Variants in CNIH1 observed in about 807,000 individuals in gnomAD.
The protein encoded by CNIH1 is cornichon family member 1.
In CNIH1, 12 loss-of-function variants were observed where a neutral mutation model predicts 20.2. The observed-to-expected ratio is 0.59, with a 90% CI of 0.38 to 0.96. The LOEUF is 0.96. Among genes scored for constraint, CNIH1 ranks in the 40% least tolerant of loss-of-function variants. The probability of loss-of-function intolerance (pLI) is 0.00; values close to 1 mark genes in which losing one functional copy is unlikely to be tolerated. For synonymous variants in CNIH1, 69 were observed against 63.3 expected, an observed-to-expected ratio of 1.09 and a Z score of -0.43; for missense variants, 152 against 178.8, an observed-to-expected ratio of 0.85 and a Z score of 0.85.
rs2030826284 is a variant in CNIH1, at chr14:54,426,341, A to G, written c.*1473T>C. ...CACTGAAATAAAGCACTTTTCACTTAGTAGAGAATAAAACAGCATCTAATC... is the reference window on the plus strand; with the variant it reads ...CACTGAAATAAAGCACTTTTCACTTGGTAGAGAATAAAACAGCATCTAATC... On this transcript the variant is annotated 3_prime_UTR_variant, in exon 5 of 5. Transcript: ENST00000216416. The G allele has an allele frequency of 6.6e-6, 1 of 152,204 alleles. No individual in the cohort carries two copies. The highest frequency in any genetic ancestry group is 6.5e-5 in the Admixed American group (1 of 15,286). The allele number at this position is 152,204 out of a possible 1,614,324, so 9.4% of individuals were successfully genotyped here. A position where few individuals can be genotyped will look rare whatever the true frequency, so the allele number is the denominator to read the frequency against.
At chr14:54,430,524 T>C in intron 3 of CNIH1, 120 bp from the exon 4 acceptor site, 1 of 898,012 alleles carries the variant, frequency 1.1e-6, no homozygotes, top group Admixed American at 2.6e-5. Context: ...AGCATTCTTT[T>C]ACTTATGGGT....
At chr14:54,438,690 A>T (rs960125844) in intron 1 of CNIH1, among the ~76,000 whole-genome samples, 19 of 152,228 alleles carry the variant, frequency 1.2e-4, no homozygotes, top group African/African-American at 4.6e-4. Context: ...GTAATTTAAA[A>T]ATTGTAAAAT....
chr14:54,432,833 T>C (rs2030976620), intron 2 of CNIH1, among the ~76,000 whole-genome samples: 3 of 152,162 alleles, frequency 2.0e-5, no homozygotes, highest in Non-Finnish European at 2.9e-5. Context: ...CTTTCTGCAA[T>C]GTAGGAGGGA....
Position 54,427,618 on chromosome 14 carries a change from TTATC to T in CNIH1, c.*192_*195del, listed in dbSNP as rs1282500865. On this transcript the variant is annotated 3_prime_UTR_variant, in exon 5 of 5. Coordinates refer to ENST00000216416, the MANE Select transcript of CNIH1 (RefSeq NM_005776.3). ...TTATACGTAATACCATTTAAAATCT[TTATC>T]TGAGTATAACATATGAAAACAGTCT... The T allele has an allele frequency of 1.7e-6, 1 of 582,274 alleles. No homozygotes were observed. The highest frequency in any genetic ancestry group is 1.9e-5 in the African/African-American group (1 of 53,572). The allele number at this position is 582,274 out of a possible 1,614,324, so 36.1% of individuals were successfully genotyped here.
chr14:54,431,753 C>G (rs2030949257), intron 3 of CNIH1, among the ~76,000 whole-genome samples: 1 of 152,072 alleles, frequency 6.6e-6, no homozygotes, highest in Non-Finnish European at 1.5e-5. Context: ...TGGAGGGTAA[C>G]TGACTTAAGA....
In CNIH1 at chr14:54,426,067, T is replaced by C. The variant is rs2030821576; in HGVS notation, c.*1747A>G. ...GTAATCAGGTGGACTGGAAACTGAA[T>C]GACTGCCTGTGCTCAAAGCATGAAT... is the stretch of plus-strand genomic sequence containing the variant. On this transcript the variant is annotated 3_prime_UTR_variant, in exon 5 of 5. Transcript: ENST00000216416. 1 of 152,182 alleles carries C rather than the reference T, an allele frequency of 6.6e-6. No individual in the cohort carries two copies. The highest frequency in any genetic ancestry group is 2.4e-5 in the African/African-American group (1 of 41,458). The allele number at this position is 152,182 out of a possible 1,614,324, so 9.4% of individuals were successfully genotyped here.
At chr14:54,435,169 A>T (rs928253139) in intron 2 of CNIH1, among the ~76,000 whole-genome samples, 1 of 152,218 alleles carries the variant, frequency 6.6e-6, no homozygotes, top group Admixed American at 6.5e-5. Flanking sequence ...CTTATAAACA[A>T]CCAACCTTTC....
At position 54,425,861 on chromosome 14, in the gene CNIH1, G is replaced by A. The variant is rs2030817850; in HGVS notation, c.*1953C>T. 1 of 152,162 alleles carries A rather than the reference G, an allele frequency of 6.6e-6. No homozygotes were observed. Among genetic ancestry groups the A allele is most frequent in the African/African-American group, 2.4e-5 (1 of 41,446 alleles). The allele number at this position is 152,162 out of a possible 1,614,324, so 9.4% of individuals were successfully genotyped here. ...AATATTCTGGAATAGATTATTAAAA[G>A]GATGTTTGTTAACACTTATGAAGTA... is the stretch of plus-strand genomic sequence containing the variant. On this transcript the variant is annotated 3_prime_UTR_variant, in exon 5 of 5. Coordinates refer to ENST00000216416, the MANE Select transcript of CNIH1 (RefSeq NM_005776.3).
At chr14:54,438,712 AAGAT>A (rs2031104842) in intron 1 of CNIH1, among the ~76,000 whole-genome samples, 1 of 152,246 alleles carries the variant, frequency 6.6e-6, no homozygotes, top group South Asian at 2.1e-4. Flanking sequence ...AGTCTTCTGA[AAGAT>A]ACTTCAACTA....
chr14:54,440,818 G>A (rs1172672667), intron 1 of CNIH1, among the ~76,000 whole-genome samples: 1 of 152,224 alleles, frequency 6.6e-6, no homozygotes, highest in East Asian at 1.9e-4. Context: ...ACAGTTCTGT[G>A]GAAACCCTAA....
rs977793406 is a variant in CNIH1, at chr14:54,441,357, C to T, written c.-30G>A. The T allele has an allele frequency of 5.4e-6, 8 of 1,479,428 alleles. No homozygotes were observed. In the Admixed American group the frequency reaches 1.1e-4, roughly 20 times the overall value. 91.6% of individuals were successfully genotyped at this position (1,479,428 alleles called of 1,614,324 possible). ...GGGGAGGAGGAGCGGGGAGCGGCGC[C>T]GTTGCCAGCGGAGAAAGGCGGCGCA... On this transcript the variant is annotated 5_prime_UTR_variant, in exon 1 of 5. Transcript: ENST00000216416.
At chr14:54,441,120 C>T (rs1313618300) in intron 1 of CNIH1, 127 bp downstream of exon 1, 2 of 1,022,946 alleles carry the variant, frequency 2.0e-6, no homozygotes, top group East Asian at 4.1e-5. Context: ...CCGCGCGGCC[C>T]GTGCCAGCCG....
chr14:54,438,912 C>T (rs867401756), intron 1 of CNIH1, among the ~76,000 whole-genome samples: 1 of 152,260 alleles, frequency 6.6e-6, no homozygotes, highest in Middle Eastern at 3.4e-3. Context: ...GGCTTGTAAA[C>T]AGCGCCTGGC....
In CNIH1 at chr14:54,423,725, CTTAGTAGTT is replaced by C. The variant is rs959545487; in HGVS notation, c.*4080_*4088del. 1 of 152,172 alleles carries C rather than the reference CTTAGTAGTT, an allele frequency of 6.6e-6. No homozygotes were observed. The highest frequency in any genetic ancestry group is 1.5e-5 in the Non-Finnish European group (1 of 68,022). 9.4% of individuals were successfully genotyped at this position (152,172 alleles called of 1,614,324 possible). A position where few individuals can be genotyped will look rare whatever the true frequency, so the allele number is the denominator to read the frequency against. ...ACAGCTAACTACATGTTATGTTTCT[CTTAGTAGTT>C]TTAGGGTCTGCCCAGTAATCAAGAA... is the stretch of plus-strand genomic sequence containing the variant. On this transcript the variant is annotated 3_prime_UTR_variant, in exon 5 of 5. Coordinates refer to ENST00000216416, the MANE Select transcript of CNIH1 (RefSeq NM_005776.3).
intron 2 of CNIH1, among the ~76,000 whole-genome samples, chr14:54,435,457 T>C (rs2031036435): frequency 6.6e-6 from 1 of 152,226 alleles, no homozygotes. Context: ...ACTAAATTCA[T>C]GATGGCTCAG....
chr14:54,440,446 G>C (rs936907084), intron 1 of CNIH1, among the ~76,000 whole-genome samples: 17 of 152,306 alleles, frequency 1.1e-4, no homozygotes, highest in Admixed American at 9.2e-4. Flanking sequence ...GGACCAGTAA[G>C]GCTGTGCTTC....
At chr14:54,438,135 A>C (rs912881695) in intron 1 of CNIH1, among the ~76,000 whole-genome samples, 1 of 152,242 alleles carries the variant, frequency 6.6e-6, no homozygotes, top group African/African-American at 2.4e-5. Context: ...GCATGCCACC[A>C]TGCCTGGCTA....
intron 1 of CNIH1, among the ~76,000 whole-genome samples, chr14:54,437,172 T>C (rs1397080159): frequency 6.6e-6 from 1 of 152,114 alleles, no homozygotes; most frequent in Admixed American, 6.5e-5. Context: ...AGAGTCAAAA[T>C]AGGGACTCTG....
At chr14:54,434,681 T>C (rs185485635) in intron 2 of CNIH1, among the ~76,000 whole-genome samples, 198 of 152,336 alleles carry the variant, frequency 1.3e-3, no homozygotes, top group Middle Eastern at 6.8e-3. Flanking sequence ...CATTTGGTTA[T>C]TGAAGTAATG....
Sources: allele counts gnomAD v4.1 joint callset (sites outside exome capture counted in the v4.1 genomes callset), GRCh38; gene constraint gnomAD v4.1.1; transcripts MANE v1.5; gene names NCBI Gene and HGNC (gene_info 2026-07-23, HGNC 2026-07-21).